Variants in KSR2 observed in about 807,000 individuals in gnomAD.
KSR2 encodes the protein kinase suppressor of ras 2.
KSR2 carries 25 observed loss-of-function variants against 107.8 expected under a neutral mutation model. The ratio of observed to expected loss-of-function variants is 0.23; its 90% CI spans 0.17 to 0.32. The LOEUF is 0.32. Ranked by LOEUF, KSR2 falls within the 10% of genes least tolerant of loss-of-function variation. The pLI, the probability that KSR2 is intolerant of heterozygous loss-of-function variation, is 1.00. For synonymous variants in KSR2, 480 were observed against 507.0 expected, an observed-to-expected ratio of 0.95 and a Z score of 0.71; for missense variants, 887 against 1,268.9, an observed-to-expected ratio of 0.70 and a Z score of 4.57.
At chr12:117,828,421 G>A (rs987340282) in intron 3 of KSR2, among the ~76,000 whole-genome samples, 2 of 152,186 alleles carry the variant, frequency 1.3e-5, no homozygotes, top group African/African-American at 4.8e-5. Context: ...TAAACCATTA[G>A]TAGCCATACA....
At chr12:117,931,821 A>T (rs1411125313) in intron 1 of KSR2, among the ~76,000 whole-genome samples, 2 of 152,206 alleles carry the variant, frequency 1.3e-5, no homozygotes, top group African/African-American at 2.4e-5. Flanking sequence ...GTTAACATTG[A>T]GTGCCTGTCA....
chr12:117,841,239 C>T (rs1241587431), intron 3 of KSR2, among the ~76,000 whole-genome samples: 2 of 152,108 alleles, frequency 1.3e-5, no homozygotes, highest in Non-Finnish European at 2.9e-5. Flanking sequence ...AATTTTGCTC[C>T]AAATAATAAC....
At chr12:117,821,888 G>T (rs969793505) in intron 3 of KSR2, among the ~76,000 whole-genome samples, 2 of 152,288 alleles carry the variant, frequency 1.3e-5, no homozygotes, top group East Asian at 3.9e-4. Context: ...TGGGTAAAAT[G>T]AGGCTGAAAC....
chr12:117,959,726 T>C (rs1896606852), intron 1 of KSR2, among the ~76,000 whole-genome samples: 1 of 151,616 alleles, frequency 6.6e-6, no homozygotes. Flanking sequence ...AGCCCAGGAG[T>C]TGGAGACCAG....
chr12:117,550,243 G>C (rs907575016), intron 9 of KSR2, among the ~76,000 whole-genome samples: 1 of 152,206 alleles, frequency 6.6e-6, no homozygotes, highest in African/African-American at 2.4e-5. Context: ...TCATGGCTCA[G>C]AAGCAGAAGC....
rs146679152 is a variant in KSR2 at position 117,664,609 on chromosome 12, A to G, written c.1171+2865T>C. ...CAAAACCAGCATTCTAATTGCATCA[A>G]AAGATTTGCCTAGGAAAACTCAGTG... On this transcript the variant is annotated intron_variant, in intron 5 of 19. Transcript: ENST00000339824. Among the ~76,000 whole-genome samples, 575 of 152,250 alleles carry G rather than the reference A, an allele frequency of 3.8e-3. 4 individuals are homozygous for G. Among genetic ancestry groups the G allele is most frequent in the African/African-American group, 0.013 (545 of 41,552 alleles).
intron 14 of KSR2, among the ~76,000 whole-genome samples, chr12:117,495,293 C>T (rs1872961403): frequency 6.6e-6 from 1 of 152,202 alleles, no homozygotes; most frequent in Non-Finnish European, 1.5e-5. Flanking sequence ...CAAATTCCAG[C>T]CTCCGGCAAT....
chr12:117,685,321 C>A (rs759603070), intron 4 of KSR2, among the ~76,000 whole-genome samples: 85 of 152,320 alleles, frequency 5.6e-4, no homozygotes, highest in African/African-American at 1.9e-3. Context: ...CCATCATTTC[C>A]GACTGAACCA....
intron 3 of KSR2, among the ~76,000 whole-genome samples, chr12:117,831,248 T>G (rs1891952591): frequency 6.6e-6 from 1 of 152,276 alleles, no homozygotes; most frequent in Admixed American, 6.5e-5. Flanking sequence ...ATCCTGGTTC[T>G]TAACTGATGC....
chr12:117,725,884 T>C (rs1181622747), intron 4 of KSR2, among the ~76,000 whole-genome samples: 1 of 151,908 alleles, frequency 6.6e-6, no homozygotes, highest in Non-Finnish European at 1.5e-5. Context: ...GAGGTAGAGG[T>C]TGCAGGGTGT....
chr12:117,480,269 G>A (rs1872091438), intron 16 of KSR2, among the ~76,000 whole-genome samples: 1 of 152,154 alleles, frequency 6.6e-6, no homozygotes, highest in African/African-American at 2.4e-5. Context: ...GACTCATGGG[G>A]TCAGCAGCTG....
chr12:117,843,048 C>A (rs1366923346), intron 3 of KSR2, among the ~76,000 whole-genome samples: 1 of 152,000 alleles, frequency 6.6e-6, no homozygotes, highest in African/African-American at 2.4e-5. Flanking sequence ...TAATCACAGT[C>A]CAGTACATAT....
chr12:117,639,010 G>T (rs1359301564), intron 5 of KSR2, among the ~76,000 whole-genome samples: 4 of 152,100 alleles, frequency 2.6e-5, no homozygotes, highest in African/African-American at 9.7e-5. Flanking sequence ...ACCTGACACT[G>T]CTTCACAGGC....
chr12:117,714,377 C>T (rs369490777), intron 4 of KSR2, among the ~76,000 whole-genome samples: 12 of 152,052 alleles, frequency 7.9e-5, no homozygotes, highest in African/African-American at 2.2e-4. Context: ...GAAGATTGCA[C>T]CTGTTTGCCC....
chr12:117,911,356 G>A (rs1223002235), intron 1 of KSR2, among the ~76,000 whole-genome samples: 2 of 152,172 alleles, frequency 1.3e-5, no homozygotes, highest in Non-Finnish European at 2.9e-5. Context: ...TCTGTCATGA[G>A]AAGAGCATGT....
chr12:117,549,521 A>AG lies in KSR2; in HGVS notation c.1518+5647dup, dbSNP rs140274103. Among the ~76,000 whole-genome samples, 543 of 152,258 alleles carry AG rather than the reference A, an allele frequency of 3.6e-3. 2 individuals carry two copies. Among genetic ancestry groups the AG allele is most frequent in the African/African-American group, 0.013 (521 of 41,556 alleles). On this transcript the variant is annotated intron_variant, in intron 9 of 19. Coordinates refer to ENST00000339824, the MANE Select transcript of KSR2 (RefSeq NM_173598.6). ...CATCCTCTAGACTAGGCACTCCCTG[A>AG]GACAGGGAGTATGTTATATGCATCA...
chr12:117,625,151 C>G (rs4767585), intron 5 of KSR2, among the ~76,000 whole-genome samples: 136,473 of 152,178 alleles, frequency 0.9, 61,357 homozygotes, highest in East Asian at 0.99. Flanking sequence ...TCTGCAAACA[C>G]GGACAATTTG....
At chr12:117,963,300 C>A (rs1325629775) in intron 1 of KSR2, among the ~76,000 whole-genome samples, 1 of 152,182 alleles carries the variant, frequency 6.6e-6, no homozygotes, top group Non-Finnish European at 1.5e-5. Flanking sequence ...TCCACAAAGC[C>A]TAAACTCTTT....
rs115340980 is a variant in KSR2 at position 117,897,692 on chromosome 12, A to T, written c.181-37261T>A. Reference sequence around the variant, plus strand: ...TTTCCTATTTTTTTAAATGTGAGCTAGGTGACTTGGGTGCTAGCTCTTTGC... The same window carrying T: ...TTTCCTATTTTTTTAAATGTGAGCTTGGTGACTTGGGTGCTAGCTCTTTGC... On this transcript the variant is annotated intron_variant, in intron 1 of 19. Transcript: ENST00000339824. The surrounding 1 kb of genome is among the most constrained non-coding windows in gnomAD (Gnocchi z 4.5). 7.0e-3 allele frequency among the ~76,000 whole-genome samples: 1,070 copies of T among 152,210 alleles called. 10 individuals carry two copies. The highest frequency in any genetic ancestry group is 0.024 in the African/African-American group (983 of 41,526).
Sources: gnomAD v4.1 joint callset for allele counts (sites outside exome capture counted in the v4.1 genomes callset) on GRCh38, gnomAD v4.1.1 for gene constraint, Gnocchi (gnomAD v3.1) non-coding constraint, MANE v1.5 for transcripts, NCBI Gene and HGNC (gene_info 2026-07-23, HGNC 2026-07-21) for gene names.